Variants in FBXL13 observed in about 807,000 individuals in gnomAD.
FBXL13 encodes F-box and leucine rich repeat protein 13.
Under a neutral mutation model 83.6 loss-of-function variants are expected in FBXL13, and 67 were observed. The ratio of observed to expected loss-of-function variants is 0.80; its 90% CI spans 0.66 to 0.98. The LOEUF (loss-of-function observed/expected upper bound fraction) is 0.98, where lower values mean the gene tolerates loss of function less well. Among genes scored for constraint, FBXL13 ranks in the 50% least tolerant of loss-of-function variants. The pLI is 0.00. For synonymous variants in FBXL13, 272 were observed against 299.5 expected, an observed-to-expected ratio of 0.91 and a Z score of 0.95; for missense variants, 822 against 866.5, an observed-to-expected ratio of 0.95 and a Z score of 0.64.
chr7:102,844,827 A>G (rs1490774856), intron 17 of FBXL13, among the ~76,000 whole-genome samples: 1 of 152,200 alleles, frequency 6.6e-6, no homozygotes, highest in Non-Finnish European at 1.5e-5. Context: ...TGAACCAGCT[A>G]TATATTAGTG....
At chr7:102,848,883 C>T (rs1804660659) in intron 17 of FBXL13, among the ~76,000 whole-genome samples, 2 of 152,012 alleles carry the variant, frequency 1.3e-5, no homozygotes, top group Admixed American at 1.3e-4. Flanking sequence ...GCCTGTAATC[C>T]CAGCTACTCG....
intron 5 of FBXL13, among the ~76,000 whole-genome samples, chr7:103,025,971 A>C (rs1435097004): frequency 6.6e-6 from 1 of 151,132 alleles, no homozygotes; most frequent in Non-Finnish European, 1.5e-5. Flanking sequence ...TTCTCTAAAC[A>C]CACAATTAAC....
chr7:102,846,466 A>G (rs932130941), intron 17 of FBXL13, among the ~76,000 whole-genome samples: 33 of 152,098 alleles, frequency 2.2e-4, no homozygotes, highest in African/African-American at 7.2e-4. Flanking sequence ...TAAAAATACA[A>G]AAATGAGCTG....
Position 102,934,853 on chromosome 7 carries a change from C to T in FBXL13, c.725-2920G>A, listed in dbSNP as rs1436198134. 4.6e-5 allele frequency among the ~76,000 whole-genome samples: 7 copies of T among 152,300 alleles called. No homozygotes were observed. The East Asian group carries it at 1.2e-3, about 25-fold the overall frequency. On this transcript the variant is annotated intron_variant, in intron 8 of 19. Coordinates refer to ENST00000313221, the Ensembl canonical transcript of FBXL13. ...ACCACAAGTTTTTCTGGGGTCCAGA[C>T]TCAAGGCAGTTGGTAATTAAAGGAC...
At chr7:103,069,074 G>A (rs574265988) in intron 1 of FBXL13, among the ~76,000 whole-genome samples, 2 of 151,060 alleles carry the variant, frequency 1.3e-5, no homozygotes, top group South Asian at 2.1e-4. Context: ...CTGCCCGGCC[G>A]CCCCACCACC....
chr7:102,944,406 C>A (rs1464955598), intron 8 of FBXL13: 1 of 1,613,942 alleles, frequency 6.2e-7, no homozygotes, highest in Non-Finnish European at 8.5e-7. Flanking sequence ...ATTTTAATGG[C>A]CTGGAATGCA....
intron 2 of FBXL13, among the ~76,000 whole-genome samples, chr7:103,042,580 C>T (rs548199023): frequency 9.1e-4 from 138 of 152,234 alleles, no homozygotes; most frequent in Non-Finnish European, 1.7e-3. Context: ...TACTACAAGG[C>T]TACAGTAACC....
At chr7:102,863,181 C>G (rs749606707) in intron 16 of FBXL13, among the ~76,000 whole-genome samples, 2 of 152,218 alleles carry the variant, frequency 1.3e-5, no homozygotes. Flanking sequence ...TCATGATGGA[C>G]TTTCCTTTGA....
intron 10 of FBXL13, among the ~76,000 whole-genome samples, chr7:102,915,931 T>C (rs1268952654): frequency 1.3e-5 from 2 of 152,128 alleles, no homozygotes; most frequent in Non-Finnish European, 2.9e-5. Context: ...AATACTTCTG[T>C]AGTTTTTACC....
downstream of FBXL13, among the ~76,000 whole-genome samples, chr7:102,812,752 A>G (rs776413674): frequency 1.5e-4 from 23 of 152,044 alleles, no homozygotes; most frequent in African/African-American, 4.8e-4. Context: ...GTTGTTTCAT[A>G]TAACTGTAGA....
chr7:103,026,882 G>GA (rs1002786081), intron 5 of FBXL13, among the ~76,000 whole-genome samples: 6 of 150,694 alleles, frequency 4.0e-5, no homozygotes, highest in East Asian at 1.9e-4. Context: ...TGTAACTACA[G>GA]AAAAAAAAAT....
At chr7:103,056,321 T>C (rs1270668535) in intron 1 of FBXL13, among the ~76,000 whole-genome samples, 2 of 152,208 alleles carry the variant, frequency 1.3e-5, no homozygotes, top group Admixed American at 6.5e-5. Context: ...TGTGCTGTTA[T>C]AGATGTGTGT....
At chr7:102,956,890 C>A (rs1419179704) in intron 8 of FBXL13, among the ~76,000 whole-genome samples, 1 of 152,112 alleles carries the variant, frequency 6.6e-6, no homozygotes, top group Non-Finnish European at 1.5e-5. Flanking sequence ...AAAGAGGACA[C>A]AAACAAATGG....
At chr7:102,938,927 T>G (rs963459423) in intron 8 of FBXL13, among the ~76,000 whole-genome samples, 11 of 152,234 alleles carry the variant, frequency 7.2e-5, no homozygotes, top group Non-Finnish European at 1.5e-4. Context: ...CTGCAGTTTA[T>G]ATTCTTTTTC....
intron 17 of FBXL13, among the ~76,000 whole-genome samples, chr7:102,834,869 C>G (rs1801586435): frequency 7.1e-6 from 1 of 140,250 alleles, no homozygotes; most frequent in Admixed American, 7.3e-5. Context: ...TTGATTTAAC[C>G]ATTCCACAAT....
At chr7:102,960,645 T>C (rs1825039004) in intron 8 of FBXL13, among the ~76,000 whole-genome samples, 1 of 152,182 alleles carries the variant, frequency 6.6e-6, no homozygotes, top group Non-Finnish European at 1.5e-5. Context: ...CACAATCAAG[T>C]GGGCTTCATC....
chr7:102,901,116 T>G (rs998038238), intron 11 of FBXL13, among the ~76,000 whole-genome samples: 6 of 152,194 alleles, frequency 3.9e-5, no homozygotes, highest in Admixed American at 2.6e-4. Flanking sequence ...CAGCCCATTG[T>G]GGCCATATGG....
At chr7:102,829,182 C>A (rs1006257066) in intron 18 of FBXL13, among the ~76,000 whole-genome samples, 2 of 152,204 alleles carry the variant, frequency 1.3e-5, no homozygotes, top group Admixed American at 6.5e-5. Context: ...GAGATTTCAT[C>A]CACCTTGAGC....
chr7:102,919,511 G>C (rs1485306368), intron 10 of FBXL13, among the ~76,000 whole-genome samples: 2 of 151,978 alleles, frequency 1.3e-5, no homozygotes, highest in Non-Finnish European at 2.9e-5. Flanking sequence ...ATTAATTGAA[G>C]GAACACAATT....
Sources: gnomAD v4.1 joint callset for allele counts (sites outside exome capture counted in the v4.1 genomes callset) on GRCh38, gnomAD v4.1.1 for gene constraint, MANE v1.5 for transcripts, NCBI Gene and HGNC (gene_info 2026-07-23, HGNC 2026-07-21) for gene names.